The following CDH13 variants were observed in gnomAD, a reference collection of about 807,000 sequenced individuals.
CDH13 encodes cadherin 13, also known as cadherin-13.
Under a neutral mutation model 63.8 loss-of-function variants are expected in CDH13, and 24 were observed. The observed-to-expected ratio is 0.38, with a 90% CI of 0.27 to 0.53. The LOEUF is 0.53. CDH13 is among the 20% of genes least tolerant of loss of function. The pLI is 0.85. For synonymous variants in CDH13, 503 were observed against 355.3 expected (o/e 1.42, Z -4.67); for missense variants, 1,049 against 903.1 (o/e 1.16, Z -2.07).
At position 83,155,101 on chromosome 16, in the gene CDH13, C is replaced by A. The variant is rs554444469; in HGVS notation, c.483+29600C>A. ...TCTGTGGGAACAGTCAAATTTATTT[C>A]ATTTACTATTAGAGAATGTTAATTT... is the stretch of plus-strand genomic sequence containing the variant. On this transcript the variant is annotated intron_variant, in intron 4 of 13. Transcript: ENST00000567109. Among the ~76,000 whole-genome samples, 286 of 152,306 alleles carry A rather than the reference C, an allele frequency of 1.9e-3. 2 individuals are homozygous for A. Among genetic ancestry groups the A allele is most frequent in the African/African-American group, 6.4e-3 (266 of 41,582 alleles).
At chr16:83,318,844 T>G (rs1178648074) in intron 5 of CDH13, among the ~76,000 whole-genome samples, 1 of 152,140 alleles carries the variant, frequency 6.6e-6, no homozygotes, top group Non-Finnish European at 1.5e-5. Context: ...GCTGGGATTT[T>G]ATGGGCATAG....
chr16:83,139,404 C>T (rs937949777), intron 4 of CDH13, among the ~76,000 whole-genome samples: 1 of 152,176 alleles, frequency 6.6e-6, no homozygotes, highest in African/African-American at 2.4e-5. Context: ...GGCCTTCTAG[C>T]CTCAAATTTA....
At chr16:83,354,985 C>G (rs760347397) in intron 6 of CDH13, among the ~76,000 whole-genome samples, 30 of 152,188 alleles carry the variant, frequency 2.0e-4, no homozygotes, top group Non-Finnish European at 3.1e-4. Context: ...TATGTAATAC[C>G]TGATCCTCTG....
At chr16:83,420,905 A>G (rs1440029364) in intron 6 of CDH13, among the ~76,000 whole-genome samples, 1 of 152,230 alleles carries the variant, frequency 6.6e-6, no homozygotes, top group Middle Eastern at 3.2e-3. Context: ...AGGAGGAAGC[A>G]TCTAGCAGGG....
chr16:82,857,203 A>G (rs1249762967), intron 1 of CDH13, among the ~76,000 whole-genome samples: 1 of 152,212 alleles, frequency 6.6e-6, no homozygotes, highest in Non-Finnish European at 1.5e-5. Context: ...AAGCTTGTTA[A>G]CCTTTCTAGA....
At chr16:82,746,058 C>T (rs1227110843) in intron 1 of CDH13, among the ~76,000 whole-genome samples, 1 of 151,892 alleles carries the variant, frequency 6.6e-6, no homozygotes, top group Non-Finnish European at 1.5e-5. Context: ...ACATAATTGC[C>T]AGCATAAGAG....
chr16:83,456,058 C>T (rs569010602), intron 6 of CDH13, among the ~76,000 whole-genome samples: 16 of 152,216 alleles, frequency 1.1e-4, no homozygotes, highest in Non-Finnish European at 1.8e-4. Context: ...TTCTCACCTG[C>T]GTTCCAATAT....
chr16:82,661,265 A>T lies in CDH13; in HGVS notation c.45+34128A>T, dbSNP rs1911911874. Among the ~76,000 whole-genome samples the T allele has an allele frequency of 2.0e-5, 3 of 152,246 alleles. No individual in the cohort carries two copies. The South Asian group carries it at 6.2e-4, about 32-fold the overall frequency. Reference sequence around the variant, plus strand: ...CTGAGGACACACGCTCTGTCCATTGAAACAGATTAGCTCTGATCACAGCTT... The same window carrying T: ...CTGAGGACACACGCTCTGTCCATTGTAACAGATTAGCTCTGATCACAGCTT... On this transcript the variant is annotated intron_variant, in intron 1 of 13. Coordinates refer to ENST00000567109, the MANE Select transcript of CDH13 (RefSeq NM_001257.5).
intron 6 of CDH13, among the ~76,000 whole-genome samples, chr16:83,431,318 C>G (rs533365034): frequency 2.6e-5 from 4 of 151,744 alleles, no homozygotes; most frequent in African/African-American, 9.7e-5. Flanking sequence ...TAGTTGGCTG[C>G]GTTGAGGAGA....
chr16:82,676,133 A>T (rs893751920), intron 1 of CDH13, among the ~76,000 whole-genome samples: 16 of 152,202 alleles, frequency 1.1e-4, no homozygotes, highest in Middle Eastern at 3.2e-3. Flanking sequence ...ATCCATGTCC[A>T]TGGATTCAAC....
chr16:83,132,549 G>C lies in CDH13; in HGVS notation c.483+7048G>C, dbSNP rs1309555553. 3.5e-5 allele frequency among the ~76,000 whole-genome samples: 5 copies of C among 144,924 alleles called. No individual in the cohort carries two copies. The South Asian group carries it at 6.6e-4, about 19-fold the overall frequency. On this transcript the variant is annotated intron_variant, in intron 4 of 13. Coordinates refer to ENST00000567109, the MANE Select transcript of CDH13 (RefSeq NM_001257.5). ...TGCAACGTCCGCCTCCCAGCTTCAAGCAATTCTCCTGCTCAGCCTCCCTAA... is the reference window on the plus strand; with the variant it reads ...TGCAACGTCCGCCTCCCAGCTTCAACCAATTCTCCTGCTCAGCCTCCCTAA...
chr16:82,752,516 C>G (rs2151071652), intron 1 of CDH13, among the ~76,000 whole-genome samples: 1 of 152,334 alleles, frequency 6.6e-6, no homozygotes, highest in South Asian at 2.1e-4. Flanking sequence ...TGAGGCAAGT[C>G]TAAACTGACA....
At chr16:83,554,169 G>C (rs957010849) in intron 7 of CDH13, among the ~76,000 whole-genome samples, 2 of 152,058 alleles carry the variant, frequency 1.3e-5, no homozygotes, top group Admixed American at 6.6e-5. Flanking sequence ...TATAGAAATA[G>C]AAGGTAAAAT....
At chr16:83,362,527 A>G (rs974742983) in intron 6 of CDH13, among the ~76,000 whole-genome samples, 4 of 152,230 alleles carry the variant, frequency 2.6e-5, no homozygotes, top group African/African-American at 7.2e-5. Context: ...AGACACCAGG[A>G]TGAACACTTT....
intron 1 of CDH13, among the ~76,000 whole-genome samples, chr16:82,635,830 C>T (rs140424027): frequency 3.3e-5 from 5 of 152,262 alleles, no homozygotes; most frequent in Admixed American, 2.0e-4. Flanking sequence ...TTTCTCCTTG[C>T]TTTAATCGTG....
At chr16:83,762,832 C>G (rs1414751047) in intron 11 of CDH13, among the ~76,000 whole-genome samples, 1 of 152,150 alleles carries the variant, frequency 6.6e-6, no homozygotes, top group Admixed American at 6.5e-5. Flanking sequence ...GGCTCTTATG[C>G]TCTCACAGAA....
intron 2 of CDH13, among the ~76,000 whole-genome samples, chr16:82,888,563 C>T (rs2040971441): frequency 6.6e-6 from 1 of 152,210 alleles, no homozygotes; most frequent in African/African-American, 2.4e-5. Flanking sequence ...TGCAGCACTG[C>T]TCCAGGAACT....
At chr16:82,689,872 C>G (rs951042392) in intron 1 of CDH13, among the ~76,000 whole-genome samples, 1 of 150,500 alleles carries the variant, frequency 6.6e-6, no homozygotes, top group Non-Finnish European at 1.5e-5. Context: ...TAGCTGGGGG[C>G]AGTGGCTCAC....
chr16:83,352,722 C>G (rs973733117), intron 6 of CDH13, among the ~76,000 whole-genome samples: 1 of 152,122 alleles, frequency 6.6e-6, no homozygotes, highest in East Asian at 1.9e-4. Context: ...AACCCCGTCT[C>G]TACTAAAAAT....
Sources: allele counts gnomAD v4.1 joint callset (sites outside exome capture counted in the v4.1 genomes callset), GRCh38; gene constraint gnomAD v4.1.1; transcripts MANE v1.5; gene names NCBI Gene and HGNC (gene_info 2026-07-23, HGNC 2026-07-21).